The following PCDH15 variants were observed in gnomAD, a reference collection of about 807,000 sequenced individuals.
PCDH15 encodes protocadherin-15.
In PCDH15, 129 loss-of-function variants were observed where a neutral mutation model predicts 178.5. The observed-to-expected ratio is 0.72, with a 90% CI of 0.63 to 0.84. PCDH15 has a LOEUF of 0.84. Among genes scored for constraint, PCDH15 ranks in the 40% least tolerant of loss-of-function variants. The pLI, the probability that PCDH15 is intolerant of heterozygous loss-of-function variation, is 0.00. For missense variants in PCDH15, 2,230 were observed against 2,099.9 expected, an observed-to-expected ratio of 1.06 and a Z score of -1.21; for synonymous variants, 800 against 732.0, an observed-to-expected ratio of 1.09 and a Z score of -1.50.
At chr10:53,840,212 T>C in intron 29 of PCDH15, 108 bp downstream of exon 29, 1 of 1,318,220 alleles carries the variant, frequency 7.6e-7, no homozygotes, top group Non-Finnish European at 1.1e-6. Context: ...TCACTTTCAG[T>C]AACTATTTGG....
intron 25 of PCDH15, among the ~76,000 whole-genome samples, chr10:53,933,350 G>T (rs1252609934): frequency 8.1e-6 from 1 of 123,714 alleles, no homozygotes; most frequent in African/African-American, 2.9e-5. Flanking sequence ...ACAGTCCCCC[G>T]TGTGTGATGT....
At chr10:53,979,534 T>C (rs71490987) in intron 21 of PCDH15, among the ~76,000 whole-genome samples, 6,059 of 152,318 alleles carry the variant, frequency 0.04, 163 homozygotes, top group Middle Eastern at 0.061. Context: ...TGGCAAGTTT[T>C]CAATCTATAA....
chr10:54,559,464 A>G (rs971834156), intron 2 of PCDH15, among the ~76,000 whole-genome samples: 2 of 152,206 alleles, frequency 1.3e-5, no homozygotes, highest in South Asian at 2.1e-4. Flanking sequence ...TTCAGCAAGA[A>G]CAAGCCATAG....
chr10:55,216,715 A>C (rs1840713411), intron 1 of PCDH15, among the ~76,000 whole-genome samples: 1 of 151,916 alleles, frequency 6.6e-6, no homozygotes, highest in African/African-American at 2.4e-5. Context: ...AAATCTGTAC[A>C]ATTATTATGT....
At chr10:54,543,896 T>C (rs2085542938) in intron 2 of PCDH15, among the ~76,000 whole-genome samples, 1 of 152,170 alleles carries the variant, frequency 6.6e-6, no homozygotes, top group African/African-American at 2.4e-5. Flanking sequence ...ATGCACTTTC[T>C]CTAAGAGCAA....
At chr10:54,534,398 T>A (rs2084259599) in intron 2 of PCDH15, among the ~76,000 whole-genome samples, 1 of 152,110 alleles carries the variant, frequency 6.6e-6, no homozygotes. Context: ...TATACTCTGA[T>A]GGATTAAATT....
At chr10:54,609,392 C>T (rs989246655) in intron 2 of PCDH15, among the ~76,000 whole-genome samples, 1 of 152,028 alleles carries the variant, frequency 6.6e-6, no homozygotes, top group Non-Finnish European at 1.5e-5. Flanking sequence ...CAGGAAAAGG[C>T]ATTTGTAGTA....
At chr10:54,749,573 CCATA>C (rs1327912343) in intron 1 of PCDH15, among the ~76,000 whole-genome samples, 2 of 152,004 alleles carry the variant, frequency 1.3e-5, no homozygotes, top group African/African-American at 4.8e-5. Flanking sequence ...CAAATTTGTT[CCATA>C]CATACTTTTT....
At chr10:54,885,328 T>C (rs555243662) in intron 3 of PCDH15, among the ~76,000 whole-genome samples, 5 of 152,020 alleles carry the variant, frequency 3.3e-5, no homozygotes, top group Admixed American at 3.3e-4. Context: ...AGAGGTCATT[T>C]GAAAAAAAAA....
Position 55,622,301 on chromosome 10 carries a change from G to A in PCDH15, c.-156+5324C>T, listed in dbSNP as rs1264165043. On this transcript the variant is annotated intron_variant, in intron 2 of 5. Coordinates refer to the PCDH15 transcript ENST00000613346. ...TGGGATTACGGGCATAAGCCACTGCGCCTGGCCCACAGTTAAATATCTTAA... is the reference window on the plus strand; with the variant it reads ...TGGGATTACGGGCATAAGCCACTGCACCTGGCCCACAGTTAAATATCTTAA... Among the ~76,000 whole-genome samples, 13 of 150,688 alleles carry A rather than the reference G, an allele frequency of 8.6e-5. No homozygotes were observed. The South Asian group carries it at 1.5e-3, about 17-fold the overall frequency.
intron 1 of PCDH15, among the ~76,000 whole-genome samples, chr10:55,244,396 T>C (rs1029548129): frequency 6.6e-6 from 1 of 152,112 alleles, no homozygotes; most frequent in African/African-American, 2.4e-5. Flanking sequence ...GTTTCCCCTC[T>C]ACTTGAACCA....
chr10:55,322,893 T>C (rs12570755), upstream of PCDH15, among the ~76,000 whole-genome samples: 29,860 of 151,904 alleles, frequency 0.2, 3,200 homozygotes, highest in African/African-American at 0.28. Flanking sequence ...GGAAAATGTC[T>C]CTGGGGCATG....
chr10:54,048,552 T>G (rs1276431656), intron 18 of PCDH15, among the ~76,000 whole-genome samples: 1 of 152,152 alleles, frequency 6.6e-6, no homozygotes, highest in Non-Finnish European at 1.5e-5. Flanking sequence ...AAGTGATTAG[T>G]GCATCTTGAC....
chr10:55,617,746 C>T (rs1564486323), intron 2 of PCDH15, among the ~76,000 whole-genome samples: 2 of 151,972 alleles, frequency 1.3e-5, no homozygotes, highest in African/African-American at 4.8e-5. Context: ...ATTGGGAAAA[C>T]TGATTACATT....
chr10:54,182,984 TTTTTG>T (rs1486356368), intron 13 of PCDH15, among the ~76,000 whole-genome samples: 3 of 116,856 alleles, frequency 2.6e-5, no homozygotes, highest in Non-Finnish European at 5.4e-5. Context: ...TTTGTTTTTG[TTTTTG>T]TTTTTTTTTG....
chr10:54,363,162 A>G (rs1946311105), intron 5 of PCDH15, among the ~76,000 whole-genome samples: 1 of 152,180 alleles, frequency 6.6e-6, no homozygotes, highest in East Asian at 1.9e-4. Flanking sequence ...AATGAAAAAC[A>G]AAGTGCCAGC....
chr10:55,075,025 A>G (rs1399024259), intron 2 of PCDH15, among the ~76,000 whole-genome samples: 1 of 152,130 alleles, frequency 6.6e-6, no homozygotes, highest in Admixed American at 6.6e-5. Context: ...CAGATGACGT[A>G]GATGTGCGGT....
At chr10:53,991,958 C>G (rs895953568) in intron 21 of PCDH15, among the ~76,000 whole-genome samples, 14 of 152,070 alleles carry the variant, frequency 9.2e-5, no homozygotes, top group East Asian at 1.9e-4. Flanking sequence ...GCAACCCGCT[C>G]GGGTCCCCTT....
At chr10:55,623,349 T>C (rs1419557146) in intron 2 of PCDH15, among the ~76,000 whole-genome samples, 1 of 152,134 alleles carries the variant, frequency 6.6e-6, no homozygotes, top group Non-Finnish European at 1.5e-5. Context: ...TCATTTTGTC[T>C]AAGGACTTGA....
Sources: allele counts gnomAD v4.1 joint callset (sites outside exome capture counted in the v4.1 genomes callset), GRCh38; gene constraint gnomAD v4.1.1; transcripts MANE v1.5; gene names NCBI Gene and HGNC (gene_info 2026-07-23, HGNC 2026-07-21).